Variants in ZNF804A observed in about 807,000 individuals in gnomAD.
The protein encoded by ZNF804A is zinc finger protein 804A.
Under a neutral mutation model 16.5 loss-of-function variants are expected in ZNF804A, and 2 were observed. The ratio of observed to expected loss-of-function variants is 0.12; its 90% CI spans 0.05 to 0.38. The LOEUF is 0.38. Among genes scored for constraint, ZNF804A ranks in the 10% least tolerant of loss-of-function variants. The probability of loss-of-function intolerance (pLI) is 0.99; values close to 1 mark genes in which losing one functional copy is unlikely to be tolerated. For missense variants in ZNF804A, 1,473 were observed against 1,390.7 expected (o/e 1.06, Z -0.94); for synonymous variants, 534 against 489.6 (o/e 1.09, Z -1.20).
intron 1 of ZNF804A, among the ~76,000 whole-genome samples, chr2:184,608,015 G>A (rs1425219495): frequency 2.4e-5 from 3 of 123,004 alleles, no homozygotes; most frequent in Non-Finnish European, 4.8e-5. Context: ...GCGGGATCTC[G>A]GCTCACTGCA....
intron 1 of ZNF804A, among the ~76,000 whole-genome samples, chr2:184,684,859 C>A (rs1692602494): frequency 6.6e-6 from 1 of 152,200 alleles, no homozygotes; most frequent in South Asian, 2.1e-4. Flanking sequence ...ACCTCTAGCT[C>A]TGTCCACATT....
At chr2:184,794,738 C>G (rs545228269) in intron 1 of ZNF804A, among the ~76,000 whole-genome samples, 1 of 152,022 alleles carries the variant, frequency 6.6e-6, no homozygotes, top group African/African-American at 2.4e-5. Context: ...ATTTACCAAC[C>G]AACTATCTGC....
At chr2:184,753,137 A>T (rs1473480448) in intron 1 of ZNF804A, among the ~76,000 whole-genome samples, 1 of 151,690 alleles carries the variant, frequency 6.6e-6, no homozygotes, top group Non-Finnish European at 1.5e-5. Flanking sequence ...TGATGCTGAC[A>T]TAATGATTTG....
At chr2:184,681,339 T>G (rs1293553990) in intron 1 of ZNF804A, among the ~76,000 whole-genome samples, 4 of 152,174 alleles carry the variant, frequency 2.6e-5, no homozygotes, top group African/African-American at 9.7e-5. Flanking sequence ...TAAAAGATTC[T>G]TATGTTACCA....
chr2:184,886,926 GGGA>G (rs1684900655), intron 2 of ZNF804A, among the ~76,000 whole-genome samples: 1 of 152,344 alleles, frequency 6.6e-6, no homozygotes, highest in East Asian at 1.9e-4. Flanking sequence ...CATGGTTTTT[GGGA>G]TTAACATCAG....
chr2:184,852,031 T>G (rs1014429775), intron 1 of ZNF804A, among the ~76,000 whole-genome samples: 1 of 151,708 alleles, frequency 6.6e-6, no homozygotes, highest in Admixed American at 6.6e-5. Context: ...TTTAATCAGG[T>G]TATTTGTTTT....
chr2:184,830,635 C>G (rs1695248465), intron 1 of ZNF804A, among the ~76,000 whole-genome samples: 1 of 152,018 alleles, frequency 6.6e-6, no homozygotes, highest in Non-Finnish European at 1.5e-5. Flanking sequence ...TAACTCTGAT[C>G]CTTTTGTCAG....
rs142893659 is a variant in ZNF804A at position 184,862,937 on chromosome 2, A to G, written c.112-3432A>G. Among the ~76,000 whole-genome samples, 24 of 152,190 alleles carry G rather than the reference A, an allele frequency of 1.6e-4. No individual in the cohort carries two copies. In the East Asian group the frequency reaches 3.1e-3, roughly 20 times the overall value. On this transcript the variant is annotated intron_variant, in intron 1 of 3. Coordinates refer to ENST00000302277, the MANE Select transcript of ZNF804A (RefSeq NM_194250.2). ...TTTTGTTTCTTTGTTTTGGTCTGAT[A>G]TTGCTTTTGTGATTATGTTCTTTAA...
At chr2:184,922,882 A>T (rs568971813) in intron 2 of ZNF804A, among the ~76,000 whole-genome samples, 150 of 152,066 alleles carry the variant, frequency 9.9e-4, no homozygotes, top group African/African-American at 3.5e-3. Context: ...AGATGTATGG[A>T]TTTATTTCTG....
chr2:184,626,751 T>C (rs1164645445), intron 1 of ZNF804A, among the ~76,000 whole-genome samples: 1 of 152,224 alleles, frequency 6.6e-6, no homozygotes, highest in Non-Finnish European at 1.5e-5. Context: ...ATGACTAGTG[T>C]ACCTTGAAAT....
chr2:184,784,944 C>T (rs1387822772), intron 1 of ZNF804A, among the ~76,000 whole-genome samples: 2 of 151,938 alleles, frequency 1.3e-5, no homozygotes, highest in Non-Finnish European at 2.9e-5. Flanking sequence ...AAAATCAGGT[C>T]GCTTGAGAGA....
At chr2:184,922,709 C>T (rs1012736679) in intron 2 of ZNF804A, among the ~76,000 whole-genome samples, 8 of 151,772 alleles carry the variant, frequency 5.3e-5, no homozygotes, top group African/African-American at 1.9e-4. Flanking sequence ...CCAGTGTTTT[C>T]TTTTAGTTTT....
intron 1 of ZNF804A, among the ~76,000 whole-genome samples, chr2:184,839,860 A>G (rs563284121): frequency 1.2e-4 from 18 of 152,126 alleles, no homozygotes; most frequent in Non-Finnish European, 2.5e-4. Context: ...AGTTCTCAAT[A>G]AATCTCTTTT....
At chr2:184,918,033 T>C (rs1198262654) in intron 2 of ZNF804A, among the ~76,000 whole-genome samples, 1 of 152,122 alleles carries the variant, frequency 6.6e-6, no homozygotes. Flanking sequence ...TTATTAGTCA[T>C]GCCTGAATTG....
At chr2:184,760,106 A>G (rs746150220) in intron 1 of ZNF804A, among the ~76,000 whole-genome samples, 3 of 152,062 alleles carry the variant, frequency 2.0e-5, no homozygotes, top group Non-Finnish European at 4.4e-5. Context: ...TTAAGGCAGG[A>G]ACAGGCCATT....
chr2:184,813,998 T>C (rs902254460), intron 1 of ZNF804A, among the ~76,000 whole-genome samples: 6 of 125,542 alleles, frequency 4.8e-5, no homozygotes, highest in Non-Finnish European at 1.0e-4. Flanking sequence ...GGCAGCTTTT[T>C]TTTTTTTTTT....
Position 184,599,730 on chromosome 2 carries a change from C to A in ZNF804A, c.111+660C>A, listed in dbSNP as rs552958479. ...TAGGGAAAACGTGAGGCAGATAGAACCCATGCAGTTGCTGGAAGGTTCTCA... is the reference window on the plus strand; with the variant it reads ...TAGGGAAAACGTGAGGCAGATAGAAACCATGCAGTTGCTGGAAGGTTCTCA... On this transcript the variant is annotated intron_variant, in intron 1 of 3. Transcript: ENST00000302277. Among the ~76,000 whole-genome samples, 13 of 152,314 alleles carry A rather than the reference C, an allele frequency of 8.5e-5. No individual in the cohort carries two copies. The East Asian group carries it at 2.1e-3, about 25-fold the overall frequency.
chr2:184,909,697 G>A (rs540482563), intron 2 of ZNF804A, among the ~76,000 whole-genome samples: 1 of 151,990 alleles, frequency 6.6e-6, no homozygotes, highest in African/African-American at 2.4e-5. Context: ...AATCTCAAAT[G>A]AGATTTGTAT....
chr2:184,888,962 GA>G (rs567609287), intron 2 of ZNF804A, among the ~76,000 whole-genome samples: 16 of 147,742 alleles, frequency 1.1e-4, no homozygotes, highest in Middle Eastern at 3.4e-3. Flanking sequence ...TTTGTGATCT[GA>G]AAAAAAAACG....
Sources: gnomAD v4.1 joint callset for allele counts (sites outside exome capture counted in the v4.1 genomes callset) on GRCh38, gnomAD v4.1.1 for gene constraint, MANE v1.5 for transcripts, NCBI Gene and HGNC (gene_info 2026-07-23, HGNC 2026-07-21) for gene names.